The following HDAC11 variants were observed in gnomAD, a reference collection of about 807,000 sequenced individuals.
HDAC11 encodes histone deacetylase 11.
A neutral mutation model predicts 41.1 loss-of-function variants in HDAC11; 23 were observed. The ratio of observed to expected loss-of-function variants is 0.56; its 90% CI spans 0.40 to 0.79. HDAC11 has a LOEUF of 0.79. Ranked by LOEUF, HDAC11 falls within the 30% of genes least tolerant of loss-of-function variation. The probability of loss-of-function intolerance (pLI) is 0.00; values close to 1 mark genes in which losing one functional copy is unlikely to be tolerated. For synonymous variants in HDAC11, 187 were observed against 186.6 expected (o/e 1.00, Z -0.02); for missense variants, 402 against 477.3 (o/e 0.84, Z 1.47).
At chr3:13,492,370 G>T (rs371646210) in intron 3 of HDAC11, among the ~76,000 whole-genome samples, 1 of 152,222 alleles carries the variant, frequency 6.6e-6, no homozygotes, top group South Asian at 2.1e-4. Flanking sequence ...TGTGTGCCAG[G>T]CATGGCCTCA....
At chr3:13,488,941 G>T (rs1265200333) in intron 3 of HDAC11, among the ~76,000 whole-genome samples, 1 of 151,462 alleles carries the variant, frequency 6.6e-6, no homozygotes, top group Non-Finnish European at 1.5e-5. Context: ...TTCCCCCCCA[G>T]TGTGGCCATC....
At chr3:13,493,835 C>G (rs1441320770) in intron 3 of HDAC11, among the ~76,000 whole-genome samples, 3 of 152,220 alleles carry the variant, frequency 2.0e-5, no homozygotes, top group East Asian at 1.9e-4. Flanking sequence ...GCACCTGGCC[C>G]CTGCACCAGG....
rs745459488 is a variant in HDAC11, at chr3:13,504,277, G to C, written c.828+5G>C. On this transcript the variant is annotated splice_donor_5th_base_variant and intron_variant, in intron 9 of 9. Coordinates refer to ENST00000295757, the MANE Select transcript of HDAC11 (RefSeq NM_024827.4). ...GGGCTGTCCATCAGCCCAGCGGTAC[G>C]TCCTGACCCTTGGGGCCACGGGAGG... 1 of 1,612,630 alleles carries C rather than the reference G, an allele frequency of 6.2e-7. No homozygotes were observed. Among genetic ancestry groups the C allele is most frequent in the Non-Finnish European group, 8.5e-7 (1 of 1,179,716 alleles).
chr3:13,492,255 C>G (rs1454198284), intron 3 of HDAC11, among the ~76,000 whole-genome samples: 1 of 152,160 alleles, frequency 6.6e-6, no homozygotes, highest in African/African-American at 2.4e-5. Flanking sequence ...CCTTGTCAGT[C>G]ATGGCTCTCC....
chr3:13,496,869 G>C lies in HDAC11; in HGVS notation c.369+17G>C. ...ACCATAATGGTAGGTGGGGTGGGGG[G>C]GCATGGCTGGGCTGGGGGCCCCCAC... On this transcript the variant is annotated intron_variant, in intron 4 of 9. Coordinates refer to ENST00000295757, the MANE Select transcript of HDAC11 (RefSeq NM_024827.4). The C allele has an allele frequency of 1.4e-6, 2 of 1,414,966 alleles. No individual in the cohort carries two copies. Among genetic ancestry groups the C allele is most frequent in the Non-Finnish European group, 1.9e-6 (2 of 1,027,706 alleles). The allele number at this position is 1,414,966 out of a possible 1,614,324, so 87.7% of individuals were successfully genotyped here.
intron 3 of HDAC11, among the ~76,000 whole-genome samples, chr3:13,493,745 G>T (rs577491650): frequency 6.6e-6 from 1 of 152,194 alleles, no homozygotes. Flanking sequence ...TCTCGCCAAC[G>T]TTGGCACAGC....
At chr3:13,503,260 G>A (rs958960669) in intron 8 of HDAC11, 10 of 284,026 alleles carry the variant, frequency 3.5e-5, no homozygotes, top group Admixed American at 2.9e-4. Flanking sequence ...TTGAAAATAC[G>A]AAATAAGAAA....
Position 13,504,866 on chromosome 3 carries a change from GCCT to G in HDAC11, c.*185_*187del. The G allele has an allele frequency of 6.4e-6, 4 of 626,384 alleles. No homozygotes were observed. In the South Asian group the frequency reaches 7.7e-5, roughly 12 times the overall value. The allele number at this position is 626,384 out of a possible 1,614,324, so 38.8% of individuals were successfully genotyped here. A position where few individuals can be genotyped will look rare whatever the true frequency, so the allele number is the denominator to read the frequency against. The stretch of plus-strand genomic sequence containing the variant: ...CTGCTGGAAGCCAGAAGGGCTTGAG[GCCT>G]CTATGGGTGGGGGCAGAAGGCAGAG... On this transcript the variant is annotated 3_prime_UTR_variant, in exon 10 of 10. Transcript: ENST00000295757.
chr3:13,483,620 G>C, intron 3 of HDAC11, 56 bp downstream of exon 3: 1 of 1,417,604 alleles, frequency 7.1e-7, no homozygotes, highest in Non-Finnish European at 1.0e-6. Flanking sequence ...CTGCTGGCCA[G>C]GAGTGGCCAG....
intron 3 of HDAC11, among the ~76,000 whole-genome samples, chr3:13,484,279 G>A (rs1377534248): frequency 6.6e-6 from 1 of 152,180 alleles, no homozygotes; most frequent in Non-Finnish European, 1.5e-5. Flanking sequence ...TTTATATTGG[G>A]CTGAAGTTTA....
intron 3 of HDAC11, 63 bp downstream of exon 3, chr3:13,483,627 C>G: frequency 7.4e-7 from 1 of 1,358,024 alleles, no homozygotes; most frequent in Non-Finnish European, 1.1e-6. Flanking sequence ...CCAGGAGTGG[C>G]CAGAGGCAGG....
rs1702502218 is a variant in HDAC11, at chr3:13,504,180, C to T, written c.736C>T (p.Leu246Phe). 2 of 1,613,932 alleles carry T rather than the reference C, an allele frequency of 1.2e-6. No homozygotes were observed. The highest frequency in any genetic ancestry group is 2.7e-5 in the African/African-American group (2 of 74,932). The change falls in exon 9 of 10, where the codon CTC becomes TTC. Residue 246 changes from leucine (L) to phenylalanine (F), a missense_variant. Coordinates refer to ENST00000295757, the MANE Select transcript of HDAC11 (RefSeq NM_024827.4). ...GGTGGAGAGGAACATCAAGAAATCC[C>T]TCCAGGAGCACCTGCCCGACGTGGT... ...DKVERNIKKS[L>F]QEHLPDVVVY...
At chr3:13,496,354 C>G (rs753238528) in intron 3 of HDAC11, among the ~76,000 whole-genome samples, 2 of 152,198 alleles carry the variant, frequency 1.3e-5, no homozygotes, top group Non-Finnish European at 2.9e-5. Flanking sequence ...GCCTCAGTGT[C>G]CCCTTCTGTA....
intron 3 of HDAC11, among the ~76,000 whole-genome samples, chr3:13,487,359 G>A (rs149097997): frequency 5.8e-4 from 89 of 152,284 alleles, no homozygotes; most frequent in African/African-American, 1.8e-3. Context: ...AACATCCACC[G>A]TCTCCCCTGC....
intron 8 of HDAC11, among the ~76,000 whole-genome samples, 187 bp from the exon 9 acceptor site, chr3:13,503,907 C>T (rs1446365333): frequency 6.6e-6 from 1 of 152,244 alleles, no homozygotes; most frequent in East Asian, 1.9e-4. Context: ...TTCAGTGCCC[C>T]TTCTCTCCTT....
In HDAC11 at chr3:13,501,942, C is replaced by T; in HGVS notation, c.552+9C>T. On this transcript the variant is annotated intron_variant, in intron 7 of 9. Transcript: ENST00000295757. ...ATCTTGATGCCCATCAGGTGAGTGC[C>T]CTGCAGGGGCTGGACTCTTAGGGGA... is the stretch of plus-strand genomic sequence containing the variant. 1 of 1,612,894 alleles carries T rather than the reference C, an allele frequency of 6.2e-7. No homozygotes were observed. The highest frequency in any genetic ancestry group is 8.5e-7 in the Non-Finnish European group (1 of 1,179,058).
chr3:13,496,653 A>G (rs556265945), intron 3 of HDAC11, 83 bp from the exon 4 acceptor site: 2 of 837,574 alleles, frequency 2.4e-6, no homozygotes, highest in East Asian at 5.5e-5. Flanking sequence ...ACTGTCCTCA[A>G]GGCATTTCCC....
In HDAC11 at chr3:13,486,574, T is replaced by G. The variant is rs567282124; in HGVS notation, c.252+3010T>G. 4.3e-3 allele frequency among the ~76,000 whole-genome samples: 304 copies of G among 70,966 alleles called. 1 individual carries two copies. The highest frequency in any genetic ancestry group is 0.014 in the Middle Eastern group (2 of 140). 46.6% of individuals were successfully genotyped at this position (70,966 alleles called of 152,430 possible). A position where few individuals can be genotyped will look rare whatever the true frequency, so the allele number is the denominator to read the frequency against. ...CAGGTGATACTCATGTAGAGGTGTT[T>G]TTTTTTTTTTTTTTTTTTTTTGGAG... is the stretch of plus-strand genomic sequence containing the variant. On this transcript the variant is annotated intron_variant, in intron 3 of 9. Transcript: ENST00000295757.
Position 13,504,857 on chromosome 3 carries a change from G to A in HDAC11, c.*174G>A. 3.1e-6 allele frequency: 2 copies of A among 645,820 alleles called. No homozygotes were observed. The highest frequency in any genetic ancestry group is 2.6e-5 in the Admixed American group (1 of 38,536). 40.0% of individuals were successfully genotyped at this position (645,820 alleles called of 1,614,324 possible). ...TACTTTTCCCTGCTGGAAGCCAGAA[G>A]GGCTTGAGGCCTCTATGGGTGGGGG... is the stretch of plus-strand genomic sequence containing the variant. On this transcript the variant is annotated 3_prime_UTR_variant, in exon 10 of 10. Transcript: ENST00000295757.
Sources: allele counts gnomAD v4.1 joint callset (sites outside exome capture counted in the v4.1 genomes callset), GRCh38; gene constraint gnomAD v4.1.1; transcripts MANE v1.5; gene names NCBI Gene and HGNC (gene_info 2026-07-23, HGNC 2026-07-21).